The following CEBPZ variants were observed in gnomAD, a reference collection of about 807,000 sequenced individuals.
CEBPZ encodes CCAAT/enhancer-binding protein zeta.
CEBPZ carries 78 observed loss-of-function variants against 104.5 expected under a neutral mutation model. That is an observed-to-expected ratio of 0.75 (90% CI 0.62 to 0.90). The LOEUF is 0.90. CEBPZ is among the 40% of genes least tolerant of loss of function. The pLI, the probability that CEBPZ is intolerant of heterozygous loss-of-function variation, is 0.00. For missense variants in CEBPZ, 1,439 were observed against 1,233.5 expected (o/e 1.17, Z -2.50); for synonymous variants, 470 against 427.0 (o/e 1.10, Z -1.24).
intron 11 of CEBPZ, 28 bp downstream of exon 11, chr2:37,212,307 T>C (rs371234033): frequency 1.7e-5 from 27 of 1,597,110 alleles, no homozygotes; most frequent in African/African-American, 1.5e-4. Context: ...GCTAGAAAAA[T>C]AGGAAGGAGA....
At chr2:37,202,304 A>T (rs1384950674) in intron 15 of CEBPZ, 1 of 161,004 alleles carries the variant, frequency 6.2e-6, no homozygotes, top group Non-Finnish European at 1.3e-5. Flanking sequence ...AGAGAAGAAA[A>T]AGCCATTCCT....
In CEBPZ at chr2:37,202,546, A is replaced by G. The variant is rs567883929; in HGVS notation, c.3025+238T>C. ...TGTAATCCCAGCTACTTGGGAGGCT[A>G]AGGTAGGAGAATTACTTGAACATGG... On this transcript the variant is annotated intron_variant, in intron 15 of 15. Coordinates refer to ENST00000234170, the MANE Select transcript of CEBPZ (RefSeq NM_005760.3). 19 of 319,740 alleles carry G rather than the reference A, an allele frequency of 5.9e-5. No individual in the cohort carries two copies. The Middle Eastern group carries it at 5.7e-3, about 95-fold the overall frequency. 19.8% of individuals were successfully genotyped at this position (319,740 alleles called of 1,614,324 possible).
Position 37,208,558 on chromosome 2 carries a change from T to C in CEBPZ, c.2884+2441A>G, listed in dbSNP as rs897553332. On this transcript the variant is annotated intron_variant, in intron 13 of 15. Transcript: ENST00000234170. ...AACAAAAATCATATGATCATCTCAATAGACGCAGAAAAAGCATTTGACAAA... is the reference window on the plus strand; with the variant it reads ...AACAAAAATCATATGATCATCTCAACAGACGCAGAAAAAGCATTTGACAAA... Among the ~76,000 whole-genome samples, 5 of 152,066 alleles carry C rather than the reference T, an allele frequency of 3.3e-5. No individual in the cohort carries two copies. The South Asian group carries it at 6.2e-4, about 19-fold the overall frequency.
At chr2:37,226,437 A>C (rs182723505) in intron 2 of CEBPZ, among the ~76,000 whole-genome samples, 44 of 152,344 alleles carry the variant, frequency 2.9e-4, no homozygotes, top group African/African-American at 9.9e-4. Flanking sequence ...GTTAACACAC[A>C]TAACCTCCCA....
chr2:37,218,242 G>C (rs1352948794), intron 5 of CEBPZ, among the ~76,000 whole-genome samples: 1 of 151,562 alleles, frequency 6.6e-6, no homozygotes, highest in Non-Finnish European at 1.5e-5. Flanking sequence ...ACTCCAGCCT[G>C]GGCGACAGAG....
At position 37,228,127 on chromosome 2, in the gene CEBPZ, C is replaced by A. The variant is rs764722449; in HGVS notation, c.1066G>T (p.Asp356Tyr). The change falls in exon 2 of 16, where the codon GAT becomes TAT. Residue 356 changes from aspartate to tyrosine, a missense_variant. Asp to Tyr is a radical substitution (Grantham distance 160). Coordinates refer to ENST00000234170, the MANE Select transcript of CEBPZ (RefSeq NM_005760.3). ...FVQVLETLSHDTLVTTKTRAL... is the reference protein window; with the variant it reads ...FVQVLETLSHYTLVTTKTRAL... ...CGAGTTTTAGTGGTTACTAATGTAT[C>A]ATGACTTAAAGTTTCTAAGACCTGC... is the stretch of plus-strand genomic sequence containing the variant. 3.7e-6 allele frequency: 6 copies of A among 1,614,178 alleles called. No homozygotes were observed. The South Asian group carries it at 5.5e-5, about 15-fold the overall frequency.
intron 5 of CEBPZ, among the ~76,000 whole-genome samples, chr2:37,217,976 A>C (rs1208200379): frequency 2.6e-5 from 4 of 151,264 alleles, no homozygotes; most frequent in Non-Finnish European, 5.9e-5. Flanking sequence ...TTTATGAAAA[A>C]TAATTATGCA....
At position 37,223,491 on chromosome 2, in the gene CEBPZ, T is replaced by G; in HGVS notation, c.1650-90A>C. ...ATTAGAAATAGCTACTAACCTCATC[T>G]TAGTTAGGGATAACTTTGCTGCTTA... On this transcript the variant is annotated intron_variant, in intron 2 of 15. Coordinates refer to ENST00000234170, the MANE Select transcript of CEBPZ (RefSeq NM_005760.3). The G allele has an allele frequency of 3.7e-6, 4 of 1,088,426 alleles. No individual in the cohort carries two copies. In the South Asian group the frequency reaches 6.0e-5, roughly 16 times the overall value. 67.4% of individuals were successfully genotyped at this position (1,088,426 alleles called of 1,614,324 possible).
chr2:37,217,082 T>A (rs1415019106), intron 5 of CEBPZ, 45 bp from the exon 6 acceptor site: 1 of 1,481,742 alleles, frequency 6.7e-7, no homozygotes, highest in Non-Finnish European at 9.4e-7. Flanking sequence ...TAAGGTCGAC[T>A]CTTAGTACAT....
At chr2:37,227,185 C>T (rs761239500) in intron 2 of CEBPZ, among the ~76,000 whole-genome samples, 20 of 152,256 alleles carry the variant, frequency 1.3e-4, no homozygotes, top group South Asian at 2.1e-4. Flanking sequence ...AATGGGAAGA[C>T]GGAAACTGCA....
At position 37,220,427 on chromosome 2, in the gene CEBPZ, C is replaced by G; in HGVS notation, c.2112G>C (p.Leu704=). ...GACTTGTATTTTCAGCTCCACAGAACAGAGGGTTTCTACTGAATGGATCGT... is the reference window on the plus strand; with the variant it reads ...GACTTGTATTTTCAGCTCCACAGAAGAGAGGGTTTCTACTGAATGGATCGT... ...NKYDPFSRNP[L]FCGAENTSLW... is the part of the protein sequence containing the mutation. Residue 704 remains leucine, a synonymous_variant, in exon 5 of 16, where the codon CTG becomes CTC. Transcript: ENST00000234170. 1 of 1,602,212 alleles carries G rather than the reference C, an allele frequency of 6.2e-7. No homozygotes were observed.
chr2:37,214,866 A>G lies in CEBPZ; in HGVS notation c.2447+20T>C. 3.3e-6 allele frequency: 5 copies of G among 1,512,138 alleles called. No individual in the cohort carries two copies. Among genetic ancestry groups the G allele is most frequent in the Middle Eastern group, 1.8e-4 (1 of 5,640 alleles). 93.7% of individuals were successfully genotyped at this position (1,512,138 alleles called of 1,614,324 possible). On this transcript the variant is annotated intron_variant, in intron 9 of 15. Coordinates refer to ENST00000234170, the MANE Select transcript of CEBPZ (RefSeq NM_005760.3). ...AAATTTTAGCAGTTTCCCCAAATGA[A>G]ACTATATTATGTATAGTACCTGTGG... is the stretch of plus-strand genomic sequence containing the variant.
At chr2:37,211,217 A>G (rs1015177145) in intron 12 of CEBPZ, 135 bp from the exon 13 acceptor site, 46 of 542,954 alleles carry the variant, frequency 8.5e-5, no homozygotes, top group Non-Finnish European at 1.3e-4. Context: ...TTGTAATTCC[A>G]CTAGCATAGG....
chr2:37,207,756 G>C (rs1438247422), intron 13 of CEBPZ, among the ~76,000 whole-genome samples: 1 of 151,980 alleles, frequency 6.6e-6, no homozygotes, highest in Non-Finnish European at 1.5e-5. Flanking sequence ...AGAGAAACAA[G>C]AACAAATCAA....
At chr2:37,217,256 G>C (rs1664627464) in intron 5 of CEBPZ, among the ~76,000 whole-genome samples, 1 of 151,926 alleles carries the variant, frequency 6.6e-6, no homozygotes, top group South Asian at 2.1e-4. Flanking sequence ...AATAGTCAGG[G>C]TGTGATGGTG....
At chr2:37,226,886 GAA>G (rs1168817088) in intron 2 of CEBPZ, among the ~76,000 whole-genome samples, 1 of 152,012 alleles carries the variant, frequency 6.6e-6, no homozygotes, top group Non-Finnish European at 1.5e-5. Context: ...ATTCAGTAAA[GAA>G]AATCTTCATC....
chr2:37,220,517 C>A, intron 4 of CEBPZ, 44 bp from the exon 5 acceptor site: 1 of 1,061,552 alleles, frequency 9.4e-7, no homozygotes, highest in South Asian at 1.5e-5. Flanking sequence ...TGCTTTCTTC[C>A]TAGCCCAAGA....
Position 37,216,170 on chromosome 2 carries a change from G to A in CEBPZ, c.2350C>T (p.His784Tyr), listed in dbSNP as rs780398786. The change falls in exon 8 of 16, where the codon CAT becomes TAT. Residue 784 changes from histidine to tyrosine, a missense_variant. Transcript: ENST00000234170. ...DSVVMQPKRK[H>Y]FIKDIRHLPV... ...AGATGACGAATATCCTTAATAAAAT[G>A]TTTTCTTTTCGGCTGCATCACAACA... is the stretch of plus-strand genomic sequence containing the variant. 1.2e-6 allele frequency: 2 copies of A among 1,612,974 alleles called. No homozygotes were observed. The highest frequency in any genetic ancestry group is 2.2e-5 in the South Asian group (2 of 90,962).
rs1204088716 is a variant in CEBPZ at position 37,211,981 on chromosome 2, C to T, written c.2662G>A (p.Gly888Ser). The change falls in exon 12 of 16, where the codon GGT becomes AGT. Residue 888 changes from glycine (G) to serine (S), a missense_variant. By Grantham distance (56) the Gly-to-Ser change is moderately conservative. Transcript: ENST00000234170. ...AGGTTACCAAGTTCATCATCACTAC[C>T]TTCTGAATCTTCATCTAATGTGTTA... ...KDNTLDEDSE[G>S]SDDELGNLDD... 1.2e-6 allele frequency: 2 copies of T among 1,612,624 alleles called. No individual in the cohort carries two copies. The highest frequency in any genetic ancestry group is 1.1e-5 in the South Asian group (1 of 90,772).
Sources: allele counts gnomAD v4.1 joint callset (sites outside exome capture counted in the v4.1 genomes callset), GRCh38; gene constraint gnomAD v4.1.1; transcripts MANE v1.5; gene names NCBI Gene and HGNC (gene_info 2026-07-23, HGNC 2026-07-21).